Variants in ASTN2 observed in about 807,000 individuals in gnomAD.
ASTN2 encodes the protein astrotactin 2.
In ASTN2, 54 loss-of-function variants were observed where a neutral mutation model predicts 139.8. The ratio of observed to expected loss-of-function variants is 0.39; its 90% CI spans 0.31 to 0.48. The LOEUF is 0.48. Among genes scored for constraint, ASTN2 ranks in the 20% least tolerant of loss-of-function variants. The probability of loss-of-function intolerance (pLI) is 0.95; values close to 1 mark genes in which losing one functional copy is unlikely to be tolerated. For synonymous variants in ASTN2, 756 were observed against 719.5 expected, an observed-to-expected ratio of 1.05 and a Z score of -0.81; for missense variants, 1,565 against 1,725.1, an observed-to-expected ratio of 0.91 and a Z score of 1.64.
intron 3 of ASTN2, among the ~76,000 whole-genome samples, chr9:117,196,427 C>T (rs1257490787): frequency 6.6e-6 from 1 of 152,088 alleles, no homozygotes; most frequent in South Asian, 2.1e-4. Flanking sequence ...AGCTGGCTTC[C>T]CCACAGGCAC....
intron 10 of ASTN2, among the ~76,000 whole-genome samples, chr9:116,938,503 G>C (rs1445563917): frequency 6.6e-6 from 1 of 152,176 alleles, no homozygotes; most frequent in Non-Finnish European, 1.5e-5. Flanking sequence ...CACTGCCCTT[G>C]AGCTGGCTGC....
Position 117,291,532 on chromosome 9 carries a change from G to A in ASTN2, c.443-19C>T, listed in dbSNP as rs557578705. ...GACATCTCTGCAAGACAAGACCCGA[G>A]GCACTGGGTGAGCCGTACGCCTGGC... is the stretch of plus-strand genomic sequence containing the variant. On this transcript the variant is annotated intron_variant, in intron 1 of 22. Coordinates refer to ENST00000313400, the MANE Select transcript of ASTN2 (RefSeq NM_001365068.1). The A allele has an allele frequency of 3.2e-6, 5 of 1,575,404 alleles. No individual in the cohort carries two copies. The Admixed American group carries it at 7.0e-5, about 22-fold the overall frequency.
At chr9:116,991,537 T>C (rs1303334823) in intron 7 of ASTN2, among the ~76,000 whole-genome samples, 2 of 150,142 alleles carry the variant, frequency 1.3e-5, no homozygotes, top group African/African-American at 2.5e-5. Context: ...TTCGTACCGA[T>C]AATAATCGTC....
At chr9:117,139,559 G>C (rs2132854426) in intron 4 of ASTN2, among the ~76,000 whole-genome samples, 1 of 152,266 alleles carries the variant, frequency 6.6e-6, no homozygotes, top group Middle Eastern at 3.4e-3. Flanking sequence ...TTAACATGTA[G>C]AGCTTGGTTT....
chr9:117,255,628 C>A (rs192747821), intron 2 of ASTN2, among the ~76,000 whole-genome samples: 6 of 152,152 alleles, frequency 3.9e-5, no homozygotes, highest in African/African-American at 1.4e-4. Context: ...TTCCCCCCAT[C>A]CCTCAAGAAA....
At chr9:117,149,417 G>GTGTGTGTGTGTGTGTT (rs1830276931) in intron 3 of ASTN2, among the ~76,000 whole-genome samples, 1 of 151,042 alleles carries the variant, frequency 6.6e-6, no homozygotes, top group East Asian at 1.9e-4. Context: ...GTGTGTGTTT[G>GTGTGTGTGTGTGTGTT]TGTGTGTGTG....
chr9:116,852,642 G>T (rs940161317), intron 11 of ASTN2, among the ~76,000 whole-genome samples: 27 of 151,928 alleles, frequency 1.8e-4, no homozygotes, highest in African/African-American at 6.5e-4. Context: ...ACAGGCAAAA[G>T]GATACCTTTA....
At chr9:117,016,752 T>TTA (rs1554769628) in intron 6 of ASTN2, among the ~76,000 whole-genome samples, 1 of 80,566 alleles carries the variant, frequency 1.2e-5, no homozygotes, top group Admixed American at 1.6e-4. Flanking sequence ...TATATAGGTT[T>TTA]TATATATAGG....
intron 10 of ASTN2, among the ~76,000 whole-genome samples, chr9:116,971,823 T>G (rs977289816): frequency 5.3e-5 from 8 of 152,226 alleles, no homozygotes; most frequent in Admixed American, 2.0e-4. Context: ...TCACTTAATC[T>G]TCATCACTCC....
chr9:116,459,021 G>A (rs1387271339), intron 20 of ASTN2, among the ~76,000 whole-genome samples: 1 of 151,992 alleles, frequency 6.6e-6, no homozygotes, highest in Non-Finnish European at 1.5e-5. Flanking sequence ...ACAGAGCTAT[G>A]GTAATCAAGA....
At chr9:117,065,694 C>CT (rs1827917819) in intron 5 of ASTN2, among the ~76,000 whole-genome samples, 1 of 152,140 alleles carries the variant, frequency 6.6e-6, no homozygotes, top group Non-Finnish European at 1.5e-5. Flanking sequence ...TGACCTAATC[C>CT]TTGTACTCTT....
At chr9:117,116,936 G>A (rs1291764870) in intron 4 of ASTN2, among the ~76,000 whole-genome samples, 1 of 145,148 alleles carries the variant, frequency 6.9e-6, no homozygotes, top group Non-Finnish European at 1.5e-5. Context: ...TATTACTGAT[G>A]TATAAAGCTT....
Position 117,149,067 on chromosome 9 carries a change from TG to T in ASTN2, c.1016-7590del, listed in dbSNP as rs1371338751. 2.0e-5 allele frequency among the ~76,000 whole-genome samples: 3 copies of T among 152,236 alleles called. No individual in the cohort carries two copies. In the East Asian group the frequency reaches 5.8e-4, roughly 29 times the overall value. On this transcript the variant is annotated intron_variant, in intron 3 of 22. Coordinates refer to ENST00000313400, the MANE Select transcript of ASTN2 (RefSeq NM_001365068.1). ...CGGAGTCTCACTCCATTGCCCAAGC[TG>T]GAGTGCAATGGCATGATCTCAGCTC... is the stretch of plus-strand genomic sequence containing the variant.
At chr9:116,962,534 A>G (rs1251396204) in intron 10 of ASTN2, among the ~76,000 whole-genome samples, 1 of 152,194 alleles carries the variant, frequency 6.6e-6, no homozygotes, top group African/African-American at 2.4e-5. Flanking sequence ...CTACTTGAGT[A>G]GTGTTGGAGA....
chr9:116,948,785 GTTTTTT>G (rs58832163), intron 10 of ASTN2, among the ~76,000 whole-genome samples: 19 of 49,474 alleles, frequency 3.8e-4, no homozygotes, highest in African/African-American at 1.6e-3. Context: ...ATAATTTGGT[GTTTTTT>G]TTTTTTTTTT....
chr9:117,319,778 C>G (rs1412043754), intron 1 of ASTN2, among the ~76,000 whole-genome samples: 1 of 152,032 alleles, frequency 6.6e-6, no homozygotes, highest in African/African-American at 2.4e-5. Context: ...TTTGAGTTTC[C>G]TCCCTGTCAG....
intron 11 of ASTN2, among the ~76,000 whole-genome samples, chr9:116,824,040 C>T (rs1487283097): frequency 6.6e-6 from 1 of 152,198 alleles, no homozygotes. Context: ...ACAGTTGGTA[C>T]TTGTTATTTG....
intron 2 of ASTN2, among the ~76,000 whole-genome samples, chr9:117,271,485 C>T (rs956517361): frequency 9.2e-5 from 14 of 152,148 alleles, no homozygotes; most frequent in African/African-American, 3.1e-4. Flanking sequence ...ATTTCAAATC[C>T]AATCATGCCT....
intron 6 of ASTN2, among the ~76,000 whole-genome samples, chr9:117,013,872 C>T (rs1428190890): frequency 6.6e-6 from 1 of 152,086 alleles, no homozygotes; most frequent in African/African-American, 2.4e-5. Flanking sequence ...TTACACCTCA[C>T]ATCATGAAAT....
Sources: allele counts gnomAD v4.1 joint callset (sites outside exome capture counted in the v4.1 genomes callset), GRCh38; gene constraint gnomAD v4.1.1; transcripts MANE v1.5; gene names NCBI Gene and HGNC (gene_info 2026-07-23, HGNC 2026-07-21).